Variants in SMC3 observed in about 807,000 individuals in gnomAD.
The protein encoded by SMC3 is structural maintenance of chromosomes 3.
SMC3 carries 20 observed loss-of-function variants against 171.8 expected under a neutral mutation model. The observed-to-expected ratio is 0.12, with a 90% CI of 0.08 to 0.17. The LOEUF (loss-of-function observed/expected upper bound fraction) is 0.17. SMC3 is among the 10% of genes least tolerant of loss of function. The pLI is 1.00. For missense variants in SMC3, 543 were observed against 1,420.4 expected, an observed-to-expected ratio of 0.38 and a Z score of 9.93; for synonymous variants, 464 against 451.1, an observed-to-expected ratio of 1.03 and a Z score of -0.36.
At position 110,596,439 on chromosome 10, in the gene SMC3, T is replaced by C. The variant is rs776056911; in HGVS notation, c.2005T>C (p.Tyr669His). 1.9e-6 allele frequency: 3 copies of C among 1,613,952 alleles called. No homozygotes were observed. Among genetic ancestry groups the C allele is most frequent in the Non-Finnish European group, 1.7e-6 (2 of 1,180,002 alleles). The change falls in exon 19 of 29, where the codon TAT (tyrosine) becomes CAT (histidine). Residue 669 changes from tyrosine (Y) to histidine (H), a missense_variant. Transcript: ENST00000361804. ...TCGGGGTGCTCTAACTGGGGGTTAT[T>C]ATGACACAAGGAAGTCTCGACTTGA... ...SHRGALTGGY[Y>H]DTRKSRLELQ...
In SMC3 at chr10:110,583,457, C is replaced by T. The variant is rs745613165; in HGVS notation, c.878C>T (p.Ala293Val). The T allele has an allele frequency of 6.2e-7, 1 of 1,613,912 alleles. No individual in the cohort carries two copies. Among genetic ancestry groups the T allele is most frequent in the Non-Finnish European group, 8.5e-7 (1 of 1,179,866 alleles). Residue 293 changes from alanine to valine, a missense_variant, in exon 11 of 29, where the codon GCT becomes GTT. This residue lies in a region of SMC3 where 146 missense variants were observed against 437.9 expected (regional missense o/e 0.33). Transcript: ENST00000361804. Reference sequence around the variant, plus strand: ...AAAGAAGAAAAAGAACAGCTTAGTGCTGAAAGACAAGAGCAGATTAAGCAG... The same window carrying T: ...AAAGAAGAAAAAGAACAGCTTAGTGTTGAAAGACAAGAGCAGATTAAGCAG... ...AMKEEKEQLS[A>V]ERQEQIKQRT...
Position 110,593,101 on chromosome 10 carries a change from G to A in SMC3, c.1841G>A (p.Arg614Lys), listed in dbSNP as rs1356601460. The A allele has an allele frequency of 1.9e-6, 3 of 1,614,034 alleles. No individual in the cohort carries two copies. The highest frequency in any genetic ancestry group is 2.5e-6 in the Non-Finnish European group (3 of 1,179,930). ...NDAIPMISKLRYNPRFDKAFK... is the reference protein window; with the variant it reads ...NDAIPMISKLKYNPRFDKAFK... ...GCTATTCCTATGATCAGCAAACTGA[G>A]GTACAATCCCAGATTTGACAAAGCT... Residue 614 changes from arginine to lysine, a missense_variant, in exon 18 of 29, where the codon AGG (arginine) becomes AAG (lysine). Arg to Lys is a conservative substitution (Grantham distance 26). Transcript: ENST00000361804.
In SMC3 at chr10:110,568,986, C is replaced by A; in HGVS notation, c.64C>A (p.Pro22Thr). 6.2e-7 allele frequency: 1 copy of A among 1,606,964 alleles called. No homozygotes were observed. The highest frequency in any genetic ancestry group is 8.5e-7 in the Non-Finnish European group (1 of 1,173,654). Reference protein sequence around the residue: ...RSYRDQTIVDPFSSKHNVIVG... With the variant: ...RSYRDQTIVDTFSSKHNVIVG... The stretch of plus-strand genomic sequence containing the variant: ...TTACAGAGATCAAACAATTGTAGAT[C>A]CCTTCAGTTCAAAACATAATGTGAT... The change falls in exon 2 of 29, where the codon CCC (proline) becomes ACC (threonine). Residue 22 changes from proline (P) to threonine (T), a missense_variant. Around this residue, in one of 8 missense-constraint regions of SMC3, gnomAD observed 146 missense variants for 437.9 expected, o/e 0.33. Transcript: ENST00000361804.
chr10:110,581,755 C>T (rs781748267), intron 8 of SMC3, among the ~76,000 whole-genome samples, 168 bp from the exon 9 acceptor site: 1 of 152,182 alleles, frequency 6.6e-6, no homozygotes, highest in Non-Finnish European at 1.5e-5. Flanking sequence ...CAACCTCTGG[C>T]ATAAATGGGT....
intron 10 of SMC3, among the ~76,000 whole-genome samples, chr10:110,582,931 GTTTT>G (rs59010687): frequency 1.5e-5 from 2 of 136,284 alleles, no homozygotes; most frequent in African/African-American, 2.8e-5. Flanking sequence ...GCCTCCTGAA[GTTTT>G]TTTTTTTTTT....
intron 10 of SMC3, 64 bp from the exon 11 acceptor site, chr10:110,583,320 T>C (rs1861060327): frequency 1.6e-6 from 2 of 1,264,186 alleles, no homozygotes; most frequent in Non-Finnish European, 2.3e-6. Context: ...AGAGAATTAA[T>C]GGTGTCACAA....
chr10:110,598,410 CTT>C (rs36039586), intron 20 of SMC3, 120 bp downstream of exon 20: 156 of 888,022 alleles, frequency 1.8e-4, no homozygotes, highest in Non-Finnish European at 2.1e-4. Context: ...TGGACCCATA[CTT>C]TTTTTTTTTG....
At chr10:110,587,654 C>G (rs1430330632) in intron 13 of SMC3, among the ~76,000 whole-genome samples, 1 of 151,176 alleles carries the variant, frequency 6.6e-6, no homozygotes, top group Non-Finnish European at 1.5e-5. Flanking sequence ...CCACTGCACT[C>G]CAGCCTGGAC....
At chr10:110,599,948 A>G (rs978455287) in intron 21 of SMC3, 136 bp downstream of exon 21, 25 of 799,484 alleles carry the variant, frequency 3.1e-5, no homozygotes, top group Admixed American at 4.5e-5. Flanking sequence ...TTTAATATAC[A>G]TAGGAGTAAA....
intron 15 of SMC3, 39 bp from the exon 16 acceptor site, chr10:110,590,373 G>T: frequency 1.3e-6 from 2 of 1,551,912 alleles, no homozygotes; most frequent in South Asian, 1.1e-5. Flanking sequence ...TGCCATTGAT[G>T]ATATTATTTT....
chr10:110,590,027 G>T, intron 15 of SMC3, 36 bp downstream of exon 15: 1 of 1,534,512 alleles, frequency 6.5e-7, no homozygotes, highest in South Asian at 1.1e-5. Context: ...TGTTTACACT[G>T]AGTCATTGAG....
At chr10:110,585,313 C>T (rs1452660141) in intron 13 of SMC3, among the ~76,000 whole-genome samples, 6 of 123,422 alleles carry the variant, frequency 4.9e-5, no homozygotes, top group Non-Finnish European at 1.0e-4. Context: ...TTTTTTAATA[C>T]GAGTCTCACT....
At chr10:110,600,605 A>T in intron 22 of SMC3, 59 bp downstream of exon 22, 1 of 857,584 alleles carries the variant, frequency 1.2e-6, no homozygotes, top group Admixed American at 1.8e-5. Context: ...GACCTATTGC[A>T]AGTGGTTATA....
chr10:110,603,703 T>C (rs1369750863), intron 28 of SMC3, among the ~76,000 whole-genome samples: 1 of 152,218 alleles, frequency 6.6e-6, no homozygotes, highest in African/African-American at 2.4e-5. Context: ...TTCAGAGCAT[T>C]AAAATACATA....
At position 110,601,887 on chromosome 10, in the gene SMC3, T is replaced by A. The variant is rs910261729; in HGVS notation, c.2892+3T>A. On this transcript the variant is annotated splice_donor_region_variant and intron_variant, in intron 24 of 28. Coordinates refer to ENST00000361804, the MANE Select transcript of SMC3 (RefSeq NM_005445.4). ...ACCAGACACTGAGCCTCAAACAGGT[T>A]GGTTTTAAATTTGAAGTCTTGTTAC... 5.6e-6 allele frequency: 9 copies of A among 1,613,816 alleles called. No homozygotes were observed. In the Admixed American group the frequency reaches 1.0e-4, roughly 18 times the overall value.
chr10:110,587,517 C>T (rs113439963), intron 13 of SMC3, among the ~76,000 whole-genome samples: 9,540 of 152,058 alleles, frequency 0.063, 965 homozygotes, highest in African/African-American at 0.21. Context: ...AACCACATCT[C>T]TACTAAAAAA....
At chr10:110,583,789 C>G (rs757887817) in intron 11 of SMC3, 52 bp from the exon 12 acceptor site, 1 of 1,592,924 alleles carries the variant, frequency 6.3e-7, no homozygotes, top group Non-Finnish European at 8.6e-7. Flanking sequence ...TTATGCTAGA[C>G]CTAAATTATG....
chr10:110,579,639 A>C (rs928518175), intron 7 of SMC3, among the ~76,000 whole-genome samples: 1 of 152,210 alleles, frequency 6.6e-6, no homozygotes, highest in African/African-American at 2.4e-5. Context: ...ATTAGAATGT[A>C]AGCTCCATGA....
At chr10:110,567,939 G>C (rs1860799382) in intron 1 of SMC3, 108 bp downstream of exon 1, 2 of 1,372,518 alleles carry the variant, frequency 1.5e-6, no homozygotes, top group Admixed American at 3.7e-5. Context: ...CCACAGGCTG[G>C]ACCAGGGCTG....
Sources: allele counts gnomAD v4.1 joint callset (sites outside exome capture counted in the v4.1 genomes callset), GRCh38; gene constraint gnomAD v4.1.1; regional missense constraint gnomAD v4.1.1; transcripts MANE v1.5; gene names NCBI Gene and HGNC (gene_info 2026-07-23, HGNC 2026-07-21).